The following ATAD2 variants were observed in gnomAD, a reference collection of about 807,000 sequenced individuals.
ATAD2 encodes ATPase family AAA domain containing 2.
ATAD2 carries 62 observed loss-of-function variants against 168.9 expected under a neutral mutation model. The ratio of observed to expected loss-of-function variants is 0.37; its 90% CI spans 0.30 to 0.45. The LOEUF is 0.45. ATAD2 is among the 20% of genes least tolerant of loss of function. ATAD2 has a pLI of 1.00. For synonymous variants in ATAD2, 613 were observed against 571.6 expected (o/e 1.07, Z -1.03); for missense variants, 1,419 against 1,667.8 (o/e 0.85, Z 2.60).
At chr8:123,337,564 A>G in intron 21 of ATAD2, 61 bp downstream of exon 21, 1 of 1,432,434 alleles carries the variant, frequency 7.0e-7, no homozygotes, top group Non-Finnish European at 9.4e-7. Context: ...CTCTTCAAAT[A>G]TCCTTTGATT....
intron 16 of ATAD2, 124 bp from the exon 17 acceptor site, chr8:123,346,874 A>G (rs1828262169): frequency 8.6e-7 from 1 of 1,160,546 alleles, no homozygotes; most frequent in Non-Finnish European, 1.2e-6. Flanking sequence ...ATTTGTGTAG[A>G]TATGAATTAA....
chr8:123,350,276 C>A (rs1167663184), intron 13 of ATAD2, among the ~76,000 whole-genome samples: 1 of 152,122 alleles, frequency 6.6e-6, no homozygotes, highest in African/African-American at 2.4e-5. Context: ...CACCTGATCA[C>A]TTTTAAAAAG....
chr8:123,385,278 G>A (rs964309985), intron 1 of ATAD2, among the ~76,000 whole-genome samples: 3 of 152,004 alleles, frequency 2.0e-5, no homozygotes, highest in South Asian at 2.1e-4. Context: ...AAAATGCAGT[G>A]GGTTAAGTGG....
chr8:123,328,214 T>A lies in ATAD2; in HGVS notation c.3844A>T (p.Ile1282Phe), dbSNP rs1374259096. ...GDASSSQIIH[I>F]SDENEGKEMC... is the part of the protein sequence containing the mutation. ...CCTTTTCCTTCATTTTCATCAGAAA[T>A]ATGTATTATCTGAGAGCTAGAAGCA... The change falls in exon 25 of 28, where the codon ATT (isoleucine) becomes TTT (phenylalanine). Residue 1282 changes from isoleucine (I) to phenylalanine (F), a missense_variant. This residue lies in a region of ATAD2 where 303 missense variants were observed against 304.3 expected (regional missense o/e 1.00). Coordinates refer to ENST00000287394, the MANE Select transcript of ATAD2 (RefSeq NM_014109.4). 7.1e-7 allele frequency: 1 copy of A among 1,406,144 alleles called. No individual in the cohort carries two copies. The highest frequency in any genetic ancestry group is 9.3e-7 in the Non-Finnish European group (1 of 1,076,128). 87.1% of individuals were successfully genotyped at this position (1,406,144 alleles called of 1,614,324 possible). A position where few individuals can be genotyped will look rare whatever the true frequency, so the allele number is the denominator to read the frequency against.
intron 18 of ATAD2, 132 bp downstream of exon 18, chr8:123,345,954 G>T: frequency 1.6e-6 from 1 of 637,660 alleles, no homozygotes; most frequent in Non-Finnish European, 2.5e-6. Flanking sequence ...AAGCAATCAT[G>T]CATAACTCTG....
chr8:123,367,523 G>T (rs756680906), intron 8 of ATAD2, among the ~76,000 whole-genome samples: 8 of 152,312 alleles, frequency 5.3e-5, no homozygotes, highest in Admixed American at 4.6e-4. Flanking sequence ...AACCATAACA[G>T]TGCCTTGGTC....
intron 2 of ATAD2, among the ~76,000 whole-genome samples, chr8:123,376,705 A>G (rs970967408): frequency 2.6e-5 from 4 of 152,192 alleles, no homozygotes; most frequent in Admixed American, 6.5e-5. Flanking sequence ...CTGTAATCCC[A>G]GCACTTTGGG....
upstream of ATAD2, among the ~76,000 whole-genome samples, chr8:123,399,730 T>G (rs1812972564): frequency 6.6e-6 from 1 of 152,034 alleles, no homozygotes; most frequent in African/African-American, 2.4e-5. Flanking sequence ...GGCGGGCACC[T>G]GTAATCCCAG....
At chr8:123,410,721 T>C (rs1453761279) in intron 1 of ATAD2, among the ~76,000 whole-genome samples, 2 of 152,208 alleles carry the variant, frequency 1.3e-5, no homozygotes, top group Non-Finnish European at 2.9e-5. Context: ...TGCACTCTTC[T>C]GGACCATGCT....
rs893820253 is a variant in ATAD2 at position 123,325,781 on chromosome 8, A to C, written c.4002+112T>G. 22 of 1,385,678 alleles carry C rather than the reference A, an allele frequency of 1.6e-5. No individual in the cohort carries two copies. In the East Asian group the frequency reaches 4.2e-4, roughly 26 times the overall value. The allele number at this position is 1,385,678 out of a possible 1,614,324, so 85.8% of individuals were successfully genotyped here. ...GTAAAGGGAAGCTTGGAGGAAAAAAAGTTTTACTTTTTCATGTAAATCCCA... is the reference window on the plus strand; with the variant it reads ...GTAAAGGGAAGCTTGGAGGAAAAAACGTTTTACTTTTTCATGTAAATCCCA... On this transcript the variant is annotated intron_variant, in intron 26 of 27. Coordinates refer to ENST00000287394, the MANE Select transcript of ATAD2 (RefSeq NM_014109.4).
At chr8:123,330,564 G>A (rs560804980) in intron 24 of ATAD2, among the ~76,000 whole-genome samples, 1 of 152,072 alleles carries the variant, frequency 6.6e-6, no homozygotes, top group Middle Eastern at 3.4e-3. Context: ...GGGTTTCACC[G>A]TGTTAGCCAG....
chr8:123,345,947 CA>C (rs1828225697), intron 18 of ATAD2, 138 bp downstream of exon 18: 2 of 568,880 alleles, frequency 3.5e-6, no homozygotes, highest in Non-Finnish European at 5.7e-6. Context: ...AATGACTAAG[CA>C]ATCATGCATA....
intron 21 of ATAD2, 74 bp downstream of exon 21, chr8:123,337,551 A>G: frequency 1.4e-6 from 2 of 1,386,568 alleles, no homozygotes; most frequent in South Asian, 1.5e-5. Context: ...AGAACCACAT[A>G]AACTCTTCAA....
rs528301630 is a variant in ATAD2 at position 123,413,918 on chromosome 8, G to A, written c.-2282+2330C>T. ...GAGTATGGCGGCGGGGAGGGTGGCC[G>A]AGGCGGGCAGATCACTTGAGGTCAG... On this transcript the variant is annotated intron_variant, in intron 1 of 28. Coordinates refer to the ATAD2 transcript ENST00000521903. Among the ~76,000 whole-genome samples the A allele has an allele frequency of 5.3e-5, 8 of 151,598 alleles. No homozygotes were observed. The South Asian group carries it at 1.7e-3, about 32-fold the overall frequency.
chr8:123,366,461 C>G (rs899825646), intron 8 of ATAD2, among the ~76,000 whole-genome samples: 1 of 152,162 alleles, frequency 6.6e-6, no homozygotes, highest in Admixed American at 6.5e-5. Flanking sequence ...TACTTCCACA[C>G]GTATGTTTAT....
intron 8 of ATAD2, among the ~76,000 whole-genome samples, chr8:123,363,763 C>T (rs1828887356): frequency 2.0e-5 from 3 of 152,064 alleles, no homozygotes; most frequent in Admixed American, 1.3e-4. Flanking sequence ...CTTTCTGTAC[C>T]ATGTACTTGA....
At chr8:123,416,204 G>A (rs1048139415) in intron 1 of ATAD2, 3 of 152,332 alleles carry the variant, frequency 2.0e-5, no homozygotes, top group Admixed American at 6.6e-5. Context: ...GAGTGCAGAA[G>A]CGTGGATTTT....
chr8:123,375,644 T>C (rs971608411), intron 2 of ATAD2, among the ~76,000 whole-genome samples: 4 of 152,156 alleles, frequency 2.6e-5, no homozygotes, highest in African/African-American at 7.2e-5. Context: ...AAACAAAACA[T>C]GGTATATCAA....
intron 2 of ATAD2, among the ~76,000 whole-genome samples, chr8:123,376,400 C>CT (rs573996320): frequency 5.0e-4 from 74 of 148,958 alleles, no homozygotes; most frequent in African/African-American, 1.7e-3. Flanking sequence ...GAGCAAAACT[C>CT]TGTCTAAAAA....
Sources: gnomAD v4.1 joint callset for allele counts (sites outside exome capture counted in the v4.1 genomes callset) on GRCh38, gnomAD v4.1.1 for gene constraint, gnomAD v4.1.1 regional missense constraint, MANE v1.5 for transcripts, NCBI Gene and HGNC (gene_info 2026-07-23, HGNC 2026-07-21) for gene names.